EPG5: variants seen among roughly 807,000 people sequenced by gnomAD.
EPG5 encodes the protein ectopic P-granules 5 autophagy tethering factor.
Under a neutral mutation model 302.7 loss-of-function variants are expected in EPG5, and 159 were observed. The observed-to-expected ratio is 0.53, with a 90% CI of 0.46 to 0.60. EPG5 has a LOEUF of 0.60. Among genes scored for constraint, EPG5 ranks in the 20% least tolerant of loss-of-function variants. The pLI, the probability that EPG5 is intolerant of heterozygous loss-of-function variation, is 0.00. For synonymous variants in EPG5, 1,158 were observed against 1,136.8 expected, an observed-to-expected ratio of 1.02 and a Z score of -0.37; for missense variants, 2,896 against 3,092.4, an observed-to-expected ratio of 0.94 and a Z score of 1.51.
At position 45,954,896 on chromosome 18, in the gene EPG5, T is replaced by C. The variant is rs1009964076; in HGVS notation, c.506A>G (p.Asn169Ser). 5.0e-6 allele frequency: 8 copies of C among 1,613,996 alleles called. No homozygotes were observed. The South Asian group carries it at 5.5e-5, about 11-fold the overall frequency. ...NFSYTQPAME[N>S]IQVRETQNSK... is the part of the protein sequence containing the mutation. ...ATTCTGAGTTTCTCTGACTTGTATA[T>C]TTTCCATTGCTGGCTGAGTATAAGA... Residue 169 changes from asparagine (N) to serine (S), a missense_variant, in exon 2 of 44, where the codon AAT becomes AGT. Asn to Ser is a conservative substitution (Grantham distance 46, BLOSUM62 1). This residue lies in a region of EPG5 where 1,390 missense variants were observed against 1,430.0 expected (regional missense o/e 0.97). Coordinates refer to ENST00000282041, the MANE Select transcript of EPG5 (RefSeq NM_020964.3).
the EPG5 span, among the ~76,000 whole-genome samples, chr18:45,802,264 T>C: frequency 2.9e-3 from 446 of 152,334 alleles, 1 homozygote; most frequent in Admixed American, 7.3e-3. Context: ...CTCACGTCTG[T>C]AATCCTAGCA....
At chr18:45,820,657 A>G in the EPG5 span, among the ~76,000 whole-genome samples, 1 of 152,254 alleles carries the variant, frequency 6.6e-6, no homozygotes, top group African/African-American at 2.4e-5. Context: ...CTGGGGGTTC[A>G]TCTTCATCAA....
intron 13 of EPG5, among the ~76,000 whole-genome samples, chr18:45,928,105 A>G (rs2050317212): frequency 6.6e-6 from 1 of 151,952 alleles, no homozygotes; most frequent in Admixed American, 6.6e-5. Flanking sequence ...CTGAGATAGG[A>G]GAATCACTTG....
intron 10 of EPG5, among the ~76,000 whole-genome samples, chr18:45,938,490 A>G (rs938219403): frequency 2.6e-5 from 4 of 151,564 alleles, no homozygotes; most frequent in African/African-American, 4.9e-5. Flanking sequence ...ATAAATTTCT[A>G]TACCCAAGTT....
Position 45,884,625 on chromosome 18 carries a change from G to A in EPG5, c.5296C>T (p.Leu1766=), listed in dbSNP as rs760641808. The change falls in exon 30 of 44, where the codon CTA becomes TTA. Residue 1766 remains leucine (L), a synonymous_variant. Transcript: ENST00000282041. ...ATGGAATTACATCTTACCTTGGTTA[G>A]CAGCATGAAAATCATATCACTGTTG... is the stretch of plus-strand genomic sequence containing the variant. The part of the protein sequence containing the change: ...EDNSDMIFML[L]TKFDLKQWLS... 6 of 1,601,854 alleles carry A rather than the reference G, an allele frequency of 3.7e-6. No homozygotes were observed. The highest frequency in any genetic ancestry group is 4.3e-6 in the Non-Finnish European group (5 of 1,175,964).
Position 45,896,706 on chromosome 18 carries a change from G to A in EPG5, c.4809+2698C>T, listed in dbSNP as rs576557337. Among the ~76,000 whole-genome samples the A allele has an allele frequency of 1.1e-4, 17 of 152,032 alleles. No individual in the cohort carries two copies. The South Asian group carries it at 2.7e-3, about 24-fold the overall frequency. On this transcript the variant is annotated intron_variant, in intron 27 of 43. Coordinates refer to ENST00000282041, the MANE Select transcript of EPG5 (RefSeq NM_020964.3). ...ACCACAGGCGTGCGCCACCATGCCC[G>A]GCTTATTTTTGTATAATATTTTTTG...
chr18:45,875,157 C>T (rs899675274), intron 35 of EPG5, among the ~76,000 whole-genome samples: 22 of 152,194 alleles, frequency 1.4e-4, no homozygotes, highest in African/African-American at 4.8e-4. Context: ...CAATTGACAA[C>T]AAATGTAGAT....
chr18:45,837,408 C>G, the EPG5 span: 2 of 1,369,492 alleles, frequency 1.5e-6, no homozygotes, highest in Non-Finnish European at 1.9e-6. Context: ...GGTTTCCAGG[C>G]TAGGGGTTGG....
intron 16 of EPG5, among the ~76,000 whole-genome samples, chr18:45,921,566 C>T (rs954754657): frequency 3.9e-5 from 6 of 152,140 alleles, no homozygotes; most frequent in African/African-American, 9.7e-5. Context: ...ATAACTGAAT[C>T]TCTGAGAAAA....
chr18:45,832,376 A>T, the EPG5 span, among the ~76,000 whole-genome samples: 1 of 133,044 alleles, frequency 7.5e-6, no homozygotes. Flanking sequence ...ATCACCCAGT[A>T]AGTGAAGGAG....
At chr18:45,802,917 C>A in the EPG5 span, among the ~76,000 whole-genome samples, 10,307 of 152,256 alleles carry the variant, frequency 0.068, 477 homozygotes, top group Middle Eastern at 0.13. Context: ...GACCACATGG[C>A]CCCTTCCCCC....
rs11333207 is a variant in EPG5, at chr18:45,865,765, C to CAAAAAAAAAAAAAAA, written c.6622-21_6622-7dup. On this transcript the variant is annotated splice_region_variant and splice_polypyrimidine_tract_variant and intron_variant, in intron 38 of 43. Transcript: ENST00000282041. Reference sequence around the variant, plus strand: ...TGGCATTTTGGAACTGCATCCTGACCAAAAAAAAAAAAAAAAATCATTCAA... The same window carrying CAAAAAAAAAAAAAAA: ...TGGCATTTTGGAACTGCATCCTGACCAAAAAAAAAAAAAAAAAAAAAAAAAAAAAAAATCATTCAA... 5.7e-6 allele frequency: 8 copies of CAAAAAAAAAAAAAAA among 1,411,844 alleles called. No homozygotes were observed. In the African/African-American group the frequency reaches 7.5e-5, roughly 13 times the overall value. The allele number at this position is 1,411,844 out of a possible 1,614,324, so 87.5% of individuals were successfully genotyped here. A position where few individuals can be genotyped will look rare whatever the true frequency, so the allele number is the denominator to read the frequency against.
At chr18:45,808,069 T>A in the EPG5 span, among the ~76,000 whole-genome samples, 12 of 152,138 alleles carry the variant, frequency 7.9e-5, no homozygotes, top group Non-Finnish European at 1.3e-4. Flanking sequence ...GACACACTTA[T>A]AGAAATGCAA....
At chr18:45,879,374 T>A (rs2145396652) in intron 32 of EPG5, among the ~76,000 whole-genome samples, 160 bp from the exon 33 acceptor site, 1 of 152,338 alleles carries the variant, frequency 6.6e-6, no homozygotes, top group East Asian at 1.9e-4. Context: ...TTTTTGTTTT[T>A]GTTTTTGTTT....
At chr18:45,888,824 T>G (rs1271312027) in intron 28 of EPG5, among the ~76,000 whole-genome samples, 2 of 152,228 alleles carry the variant, frequency 1.3e-5, no homozygotes, top group African/African-American at 4.8e-5. Context: ...TCATCCTTAT[T>G]AAAAATGTTC....
intron 39 of EPG5, among the ~76,000 whole-genome samples, chr18:45,861,709 C>T (rs1342956380): frequency 2.6e-5 from 4 of 152,300 alleles, no homozygotes; most frequent in Admixed American, 6.5e-5. Context: ...CTACATGAAA[C>T]AGGTATGACC....
At position 45,880,083 on chromosome 18, in the gene EPG5, C is replaced by G. The variant is rs1338419754; in HGVS notation, c.5659G>C (p.Asp1887His). 1 of 1,585,324 alleles carries G rather than the reference C, an allele frequency of 6.3e-7. No homozygotes were observed. Among genetic ancestry groups the G allele is most frequent in the South Asian group, 1.1e-5 (1 of 89,090 alleles). The change falls in exon 32 of 44, where the codon GAC becomes CAC. Residue 1887 changes from aspartate to histidine, a missense_variant. Physicochemically the swap from Asp to His is moderately conservative, Grantham distance 81. Around this residue, in one of 5 missense-constraint regions of EPG5, gnomAD observed 790 missense variants for 798.0 expected, o/e 0.99. Transcript: ENST00000282041. ...LPSSSDALLS[D>H]KQVMETIQWL... ...GACCAAAGGCTACACACCTGCTTGT[C>G]TGACAAGAGAGCATCAGAAGAGCTG...
rs577637930 is a variant in EPG5, at chr18:45,898,986, G to A, written c.4809+418C>T. On this transcript the variant is annotated intron_variant, in intron 27 of 43. Transcript: ENST00000282041. ...CTAAAAACACAGAAATTAGCCGGGC[G>A]TGGTGGCAGGTGCCTGTAATCCCAG... is the stretch of plus-strand genomic sequence containing the variant. 1.8e-3 allele frequency among the ~76,000 whole-genome samples: 272 copies of A among 152,258 alleles called. 3 individuals carry two copies. Among genetic ancestry groups the A allele is most frequent in the African/African-American group, 5.9e-3 (246 of 41,542 alleles).
intron 15 of EPG5, 124 bp from the exon 16 acceptor site, chr18:45,922,724 C>G (rs1451684445): frequency 2.3e-5 from 28 of 1,195,526 alleles, no homozygotes; most frequent in Non-Finnish European, 3.3e-5. Flanking sequence ...ACTTGCTGGT[C>G]TCCAATTAAT....
Sources: allele counts gnomAD v4.1 joint callset (sites outside exome capture counted in the v4.1 genomes callset), GRCh38; gene constraint gnomAD v4.1.1; regional missense constraint gnomAD v4.1.1; transcripts MANE v1.5; gene names NCBI Gene and HGNC (gene_info 2026-07-23, HGNC 2026-07-21).